The following C4orf51 variants were observed in gnomAD, a reference collection of about 807,000 sequenced individuals.
C4orf51 encodes uncharacterized protein C4orf51.
In C4orf51, 25 loss-of-function variants were observed where a neutral mutation model predicts 25.2. The observed-to-expected ratio is 0.99, with a 90% CI of 0.72 to 1.39. The LOEUF (loss-of-function observed/expected upper bound fraction) is 1.39. C4orf51 is among the 40% of genes most tolerant of loss of function. C4orf51 has a pLI of 0.00. For synonymous variants in C4orf51, 100 were observed against 84.5 expected (o/e 1.18, Z -1.01); for missense variants, 252 against 239.6 (o/e 1.05, Z -0.34).
intron 1 of C4orf51, among the ~76,000 whole-genome samples, chr4:145,743,570 T>C (rs1733213063): frequency 6.6e-6 from 1 of 152,258 alleles, no homozygotes; most frequent in Non-Finnish European, 1.5e-5. Flanking sequence ...GATTAAGTTT[T>C]CAACACATGA....
chr4:145,684,868 A>T, intron 1 of C4orf51, among the ~76,000 whole-genome samples: 1 of 152,186 alleles, frequency 6.6e-6, no homozygotes, highest in East Asian at 1.9e-4. Flanking sequence ...TATTAGGGTT[A>T]AGGAGAGACA....
Position 145,690,461 on chromosome 4 carries a change from G to A in C4orf51, c.234-6098G>A, listed in dbSNP as rs28856347. 5.8e-3 allele frequency among the ~76,000 whole-genome samples: 881 copies of A among 152,052 alleles called. 8 individuals carry two copies. The highest frequency in any genetic ancestry group is 0.02 in the African/African-American group (819 of 41,446). ...CAGAGCTTGCAGTGAGCGAGATGGC[G>A]CCACTGCACTCCAGCCTGGGCGACA... is the stretch of plus-strand genomic sequence containing the variant. On this transcript the variant is annotated intron_variant, in intron 1 of 5. Coordinates refer to ENST00000438731, the MANE Select transcript of C4orf51 (RefSeq NM_001080531.3).
At chr4:145,683,322 G>T (rs1728946451) in intron 1 of C4orf51, among the ~76,000 whole-genome samples, 1 of 152,120 alleles carries the variant, frequency 6.6e-6, no homozygotes, top group Non-Finnish European at 1.5e-5. Flanking sequence ...CAAGATGTCA[G>T]CCCTTCCCAA....
At chr4:145,770,007 C>G (rs1362443306) in intron 1 of C4orf51, among the ~76,000 whole-genome samples, 1 of 152,120 alleles carries the variant, frequency 6.6e-6, no homozygotes, top group Non-Finnish European at 1.5e-5. Context: ...AATAAAGACT[C>G]TAGATCCAGG....
chr4:145,789,236 C>G, the C4orf51 span, among the ~76,000 whole-genome samples: 1 of 151,934 alleles, frequency 6.6e-6, no homozygotes, highest in Non-Finnish European at 1.5e-5. Flanking sequence ...TTTCTGAATT[C>G]TTTATTATGG....
At chr4:145,722,069 T>C (rs1432400076) in intron 2 of C4orf51, among the ~76,000 whole-genome samples, 1 of 152,116 alleles carries the variant, frequency 6.6e-6, no homozygotes, top group African/African-American at 2.4e-5. Flanking sequence ...GGCAGATAAA[T>C]GGGGGAGGGC....
At chr4:145,771,708 A>C (rs1341992643), downstream of C4orf51, among the ~76,000 whole-genome samples, 1 of 152,208 alleles carries the variant, frequency 6.6e-6, no homozygotes, top group Non-Finnish European at 1.5e-5. Flanking sequence ...CTGGAGTAAC[A>C]CCAACCCATA....
intron 3 of C4orf51, among the ~76,000 whole-genome samples, chr4:145,728,857 G>T (rs939970097): frequency 6.6e-6 from 1 of 151,346 alleles, no homozygotes; most frequent in African/African-American, 2.4e-5. Context: ...TATTAGGATT[G>T]TACTCCTTTG....
intron 2 of C4orf51, among the ~76,000 whole-genome samples, chr4:145,726,014 A>G (rs558082741): frequency 3.2e-4 from 49 of 152,246 alleles, no homozygotes; most frequent in Non-Finnish European, 6.2e-4. Context: ...GAATTTCAGC[A>G]GTCTTGCCTC....
chr4:145,732,952 C>T (rs899073734), downstream of C4orf51, among the ~76,000 whole-genome samples: 1 of 152,186 alleles, frequency 6.6e-6, no homozygotes, highest in African/African-American at 2.4e-5. Flanking sequence ...AGAGCGGTCA[C>T]CCAGCAGAGC....
chr4:145,692,951 T>C (rs959604833), intron 1 of C4orf51, among the ~76,000 whole-genome samples: 4 of 102,088 alleles, frequency 3.9e-5, no homozygotes, highest in South Asian at 3.8e-4. Flanking sequence ...ATTAAGTTTT[T>C]AGTTTTTTTT....
intron 1 of C4orf51, chr4:145,759,733 C>T (rs1158693450): frequency 6.6e-6 from 1 of 151,972 alleles, no homozygotes; most frequent in African/African-American, 2.4e-5. Flanking sequence ...AAGACCATAG[C>T]ACTGTGCAAA....
the C4orf51 span, among the ~76,000 whole-genome samples, chr4:145,788,122 A>T: frequency 1.8e-4 from 27 of 152,220 alleles, no homozygotes; most frequent in African/African-American, 6.0e-4. Flanking sequence ...CTTAGTAAAC[A>T]GCTGCTTCTG....
chr4:145,720,307 C>T (rs1343545793), intron 2 of C4orf51, among the ~76,000 whole-genome samples: 1 of 152,176 alleles, frequency 6.6e-6, no homozygotes, highest in Non-Finnish European at 1.5e-5. Context: ...GCAGAGGAAA[C>T]TTCCCTCTCC....
At chr4:145,733,537 C>G (rs751577375), downstream of C4orf51, among the ~76,000 whole-genome samples, 1 of 152,218 alleles carries the variant, frequency 6.6e-6, no homozygotes, top group African/African-American at 2.4e-5. Flanking sequence ...TCCCCAGCCC[C>G]GCTCTCTGCT....
intron 2 of C4orf51, among the ~76,000 whole-genome samples, chr4:145,699,735 G>A (rs572778284): frequency 1.3e-5 from 2 of 151,936 alleles, no homozygotes; most frequent in African/African-American, 2.4e-5. Flanking sequence ...GGCAAGTCCC[G>A]CTTTTCTGGG....
chr4:145,690,845 A>T (rs1215214783), intron 1 of C4orf51, among the ~76,000 whole-genome samples: 2 of 152,172 alleles, frequency 1.3e-5, no homozygotes, highest in Non-Finnish European at 2.9e-5. Context: ...TCATGACTGT[A>T]ATCCCAGTAT....
In C4orf51 at chr4:145,729,962, G is replaced by C; in HGVS notation, c.498G>C (p.Lys166Asn). The change falls in exon 5 of 6, where the codon AAG becomes AAC. Residue 166 changes from lysine (K) to asparagine (N), a missense_variant. By Grantham distance (94) the Lys-to-Asn change is moderately conservative. Coordinates refer to ENST00000438731, the MANE Select transcript of C4orf51 (RefSeq NM_001080531.3). ...GTCGACGAGGGAAAGGTGTCCTAAAGCATGTAAGAATCTTTTTACTTGCCA... is the reference window on the plus strand; with the variant it reads ...GTCGACGAGGGAAAGGTGTCCTAAACCATGTAAGAATCTTTTTACTTGCCA... ...NYSRRGKGVL[K>N]HLHGRCDSES... The C allele has an allele frequency of 6.2e-7, 1 of 1,613,770 alleles. No individual in the cohort carries two copies. Among genetic ancestry groups the C allele is most frequent in the Non-Finnish European group, 8.5e-7 (1 of 1,179,686 alleles).
the C4orf51 span, among the ~76,000 whole-genome samples, chr4:145,784,059 TG>T: frequency 6.6e-6 from 1 of 152,178 alleles, no homozygotes; most frequent in African/African-American, 2.4e-5. Flanking sequence ...GCTCTGGCCA[TG>T]TAACATGTGC....
Sources: allele counts gnomAD v4.1 joint callset (sites outside exome capture counted in the v4.1 genomes callset), GRCh38; gene constraint gnomAD v4.1.1; transcripts MANE v1.5; gene names NCBI Gene and HGNC (gene_info 2026-07-23, HGNC 2026-07-21).